The following MECR variants were observed in gnomAD, a reference collection of about 807,000 sequenced individuals.
MECR encodes mitochondrial trans-2-enoyl-CoA reductase.
MECR carries 37 observed loss-of-function variants against 49.1 expected under a neutral mutation model. That is an observed-to-expected ratio of 0.75 (90% confidence interval 0.58 to 0.99). The LOEUF is 0.99. Among genes scored for constraint, MECR ranks in the 50% least tolerant of loss-of-function variants. The pLI is 0.00. For missense variants in MECR, 470 were observed against 479.6 expected (o/e 0.98, Z 0.19); for synonymous variants, 198 against 191.1 (o/e 1.04, Z -0.30).
chr1:29,175,617 C>A, the MECR span, among the ~76,000 whole-genome samples: 3 of 137,282 alleles, frequency 2.2e-5, no homozygotes, highest in Non-Finnish European at 4.6e-5. Flanking sequence ...ATGGCGTGAA[C>A]CCAGGAGGCG....
chr1:29,178,079 T>C, the MECR span, among the ~76,000 whole-genome samples: 1 of 151,694 alleles, frequency 6.6e-6, no homozygotes, highest in Admixed American at 6.6e-5. Context: ...TTTGTATTTT[T>C]AGTAGAGATG....
the MECR span, among the ~76,000 whole-genome samples, chr1:29,174,055 G>A: frequency 2.6e-5 from 4 of 151,764 alleles, no homozygotes; most frequent in Admixed American, 2.0e-4. Context: ...GGGGTGTGGT[G>A]GCAGGCGCCT....
chr1:29,180,707 A>G, the MECR span, among the ~76,000 whole-genome samples: 26 of 152,268 alleles, frequency 1.7e-4, no homozygotes, highest in South Asian at 2.5e-3. Flanking sequence ...AGCCCTACCT[A>G]ACATCTGGTT....
chr1:29,174,997 A>G, the MECR span, among the ~76,000 whole-genome samples: 258 of 151,138 alleles, frequency 1.7e-3, no homozygotes, highest in African/African-American at 5.7e-3. Context: ...TAAAAAAAAA[A>G]AAAAGAAAAG....
downstream of MECR, among the ~76,000 whole-genome samples, chr1:29,192,046 C>T (rs1470971249): frequency 6.6e-6 from 1 of 152,098 alleles, no homozygotes; most frequent in African/African-American, 2.4e-5. Context: ...GAGCCAAGAT[C>T]GCCCACTGCA....
the MECR span, among the ~76,000 whole-genome samples, chr1:29,174,146 G>A: frequency 6.6e-6 from 1 of 150,762 alleles, no homozygotes; most frequent in South Asian, 2.1e-4. Context: ...CTGAGATCAT[G>A]CCACTGCACT....
At chr1:29,176,868 G>A in the MECR span, among the ~76,000 whole-genome samples, 2 of 152,146 alleles carry the variant, frequency 1.3e-5, no homozygotes, top group Non-Finnish European at 1.5e-5. Context: ...TCCATGAAAC[G>A]CAGGTTCTGA....
intron 9 of MECR, among the ~76,000 whole-genome samples, chr1:29,194,511 A>C (rs1673495104): frequency 6.6e-6 from 1 of 152,156 alleles, no homozygotes; most frequent in Non-Finnish European, 1.5e-5. Context: ...TGGTGGGAGG[A>C]AAAGGATGGC....
At chr1:29,170,686 T>C in the MECR span, 1 of 152,228 alleles carries the variant, frequency 6.6e-6, no homozygotes, top group Admixed American at 6.5e-5. Context: ...TCATTTCAAT[T>C]ACATGAAAAC....
At chr1:29,170,091 T>C in the MECR span, 1 of 152,224 alleles carries the variant, frequency 6.6e-6, no homozygotes, top group Non-Finnish European at 1.5e-5. Flanking sequence ...ATGGCTTTCC[T>C]GAAAGGGAGG....
chr1:29,182,932 G>C, the MECR span, among the ~76,000 whole-genome samples: 2 of 152,236 alleles, frequency 1.3e-5, no homozygotes, highest in Non-Finnish European at 2.9e-5. Context: ...TAGTGTATGT[G>C]AAAGTACTTG....
At chr1:29,230,411 A>C in intron 1 of MECR, 1 of 313,694 alleles carries the variant, frequency 3.2e-6, no homozygotes, top group Non-Finnish European at 5.9e-6. Context: ...TTTCATCTGC[A>C]AAATGGGGAT....
the MECR span, among the ~76,000 whole-genome samples, chr1:29,180,996 G>A: frequency 6.6e-6 from 1 of 152,230 alleles, no homozygotes; most frequent in African/African-American, 2.4e-5. Context: ...TGGAAACTCT[G>A]CACGGAGTCT....
intron 2 of MECR, 52 bp from the exon 3 acceptor site, chr1:29,216,188 G>A (rs1392884204): frequency 2.5e-6 from 4 of 1,607,382 alleles, no homozygotes; most frequent in Non-Finnish European, 3.4e-6. Context: ...GGCAGTGAAA[G>A]AGCATGGACT....
At chr1:29,207,150 C>T (rs1354699114) in intron 3 of MECR, among the ~76,000 whole-genome samples, 1 of 152,030 alleles carries the variant, frequency 6.6e-6, no homozygotes, top group Non-Finnish European at 1.5e-5. Context: ...GAGACAGAGT[C>T]TTGCTCTGTA....
intron 3 of MECR, among the ~76,000 whole-genome samples, chr1:29,213,219 C>T (rs1678466957): frequency 6.6e-6 from 1 of 152,276 alleles, no homozygotes; most frequent in African/African-American, 2.4e-5. Context: ...ATAGGACCTT[C>T]ACTTAGCACG....
chr1:29,186,957 T>C, the MECR span, among the ~76,000 whole-genome samples: 1 of 152,226 alleles, frequency 6.6e-6, no homozygotes, highest in African/African-American at 2.4e-5. Flanking sequence ...TTTTTTCTCT[T>C]TCATAAGGTG....
chr1:29,184,428 C>T, the MECR span, among the ~76,000 whole-genome samples: 9 of 152,152 alleles, frequency 5.9e-5, no homozygotes, highest in Non-Finnish European at 1.2e-4. Context: ...GTGGCGTGAG[C>T]CACCGCGCCC....
In MECR at chr1:29,202,099, C is replaced by A. The variant is rs146250887; in HGVS notation, c.654-54G>T. 1.9e-3 allele frequency: 2,638 copies of A among 1,422,562 alleles called. 9 individuals carry two copies. Among genetic ancestry groups the A allele is most frequent in the Middle Eastern group, 8.9e-3 (45 of 5,054 alleles). 88.1% of individuals were successfully genotyped at this position (1,422,562 alleles called of 1,614,324 possible). ...CATCTGCCAGCTTTTTCCACCAAAGCCCCCCAGGACCTCTCTGCCACAGCT... is the reference window on the plus strand; with the variant it reads ...CATCTGCCAGCTTTTTCCACCAAAGACCCCCAGGACCTCTCTGCCACAGCT... On this transcript the variant is annotated intron_variant, in intron 5 of 9. Transcript: ENST00000263702.
Sources: gnomAD v4.1 joint callset for allele counts (sites outside exome capture counted in the v4.1 genomes callset) on GRCh38, gnomAD v4.1.1 for gene constraint, MANE v1.5 for transcripts, NCBI Gene and HGNC (gene_info 2026-07-23, HGNC 2026-07-21) for gene names.